SHOX: variants seen among roughly 807,000 people sequenced by gnomAD.
SHOX encodes the protein SHOX homeobox.
In SHOX, 12 loss-of-function variants were observed where a neutral mutation model predicts 29.6. The ratio of observed to expected loss-of-function variants is 0.41; its 90% CI spans 0.26 to 0.66. The LOEUF (loss-of-function observed/expected upper bound fraction) is 0.66, where lower values mean the gene tolerates loss of function less well. Ranked by LOEUF, SHOX falls within the 30% of genes least tolerant of loss-of-function variation. The pLI, the probability that SHOX is intolerant of heterozygous loss-of-function variation, is 0.35. For synonymous variants in SHOX, 214 were observed against 200.6 expected (o/e 1.07, Z -0.57); for missense variants, 499 against 437.7 (o/e 1.14, Z -1.25).
upstream of SHOX, among the ~76,000 whole-genome samples, chrX:628,401 TTCTC>T (rs1218028934): frequency 3.2e-5 from 4 of 123,426 alleles, no homozygotes; most frequent in Admixed American, 1.6e-4. Flanking sequence ...GTCTCTCCCT[TTCTC>T]TCTCTCTGTC....
intron 4 of SHOX, among the ~76,000 whole-genome samples, chrX:643,373 AGAGGCTTGGACACC>A (rs2052898534): frequency 7.3e-6 from 1 of 137,830 alleles, no homozygotes; most frequent in African/African-American, 2.8e-5. Flanking sequence ...GTGTCCCGGG[AGAGGCTTGGACACC>A]TGGTGTCCCA....
chrX:631,919 C>T (rs1415523502), intron 1 of SHOX: 7 of 455,990 alleles, frequency 1.5e-5, no homozygotes, highest in Middle Eastern at 3.3e-4. Flanking sequence ...GGAGCCGTCT[C>T]CACGCGCCTT....
At chrX:653,497 G>C (rs2053096612), downstream of SHOX, among the ~76,000 whole-genome samples, 1 of 152,056 alleles carries the variant, frequency 6.6e-6, no homozygotes, top group African/African-American at 2.4e-5. Flanking sequence ...AATCTTCCTG[G>C]ATATCGCTTC....
chrX:626,253 C>T (rs1334425244), upstream of SHOX, among the ~76,000 whole-genome samples: 1 of 148,804 alleles, frequency 6.7e-6, no homozygotes, highest in Non-Finnish European at 1.5e-5. Context: ...TCTCTCTCCT[C>T]TCTCTCTGTC....
chrX:625,465 G>T (rs765325256), intron 1 of SHOX, among the ~76,000 whole-genome samples: 290 of 151,558 alleles, frequency 1.9e-3, no homozygotes, highest in African/African-American at 6.6e-3. Context: ...TCTCTCTCTC[G>T]CTGTCTCTCT....
chrX:640,925 A>G, intron 3 of SHOX, 47 bp downstream of exon 3: 1 of 1,613,616 alleles, frequency 6.2e-7, no homozygotes, highest in Non-Finnish European at 8.5e-7. Context: ...ATCCTGCTCC[A>G]GGAGGGATGG....
rs192479691 is a variant in SHOX at position 648,501 on chromosome X, T to A, written c.*3865T>A. The stretch of plus-strand genomic sequence containing the variant: ...CTTTGTCCCTCGCAAAGTGCTGGGA[T>A]TACAGGCGTGAGCCACCGCACCTGG... On this transcript the variant is annotated 3_prime_UTR_variant, in exon 5 of 5. Transcript: ENST00000686671. Among the ~76,000 whole-genome samples, 14 of 152,352 alleles carry A rather than the reference T, an allele frequency of 9.2e-5. No homozygotes were observed. The highest frequency in any genetic ancestry group is 3.4e-4 in the African/African-American group (14 of 41,588).
intron 2 of SHOX, among the ~76,000 whole-genome samples, chrX:635,649 G>A (rs1468980112): frequency 1.3e-5 from 2 of 152,192 alleles, no homozygotes; most frequent in Non-Finnish European, 2.9e-5. Context: ...GGGGCGGAGG[G>A]GCCTTGGGTG....
Position 631,050 on chromosome X carries a change from G to A in SHOX, c.153G>A (p.Thr51=). The change falls in exon 1 of 5, where the codon ACG becomes ACA. Residue 51 remains threonine (T), a synonymous_variant. Transcript: ENST00000686671. ...TGGCGCGCTCCCGGGAGCTGGGGACGTCGGATTCCAGCCTCCAGGACATCA... is the reference window on the plus strand; with the variant it reads ...TGGCGCGCTCCCGGGAGCTGGGGACATCGGATTCCAGCCTCCAGGACATCA... ...SGLARSRELG[T]SDSSLQDITE... The A allele has an allele frequency of 6.2e-7, 1 of 1,613,816 alleles. No individual in the cohort carries two copies.
chrX:640,973 C>A (rs768851446), intron 3 of SHOX, 26 bp from the exon 4 acceptor site: 7 of 1,613,548 alleles, frequency 4.3e-6, no homozygotes, highest in African/African-American at 2.7e-5. Flanking sequence ...GACCACCACA[C>A]TGACACCTGC....
intron 1 of SHOX, among the ~76,000 whole-genome samples, chrX:624,862 T>TTTTCTTTCTTTCTTTC (rs928739665): frequency 3.4e-4 from 26 of 76,858 alleles, no homozygotes; most frequent in East Asian, 8.9e-4. Flanking sequence ...TCTTTCTTTC[T>TTTTCTTTCTTTCTTTC]TTTCTTTCTT....
At chrX:643,167 A>G (rs1426579996) in intron 4 of SHOX, among the ~76,000 whole-genome samples, 1 of 133,786 alleles carries the variant, frequency 7.5e-6, no homozygotes. Context: ...AGCCTTGGGG[A>G]TCTGGTGTCC....
chrX:641,193 T>C, intron 4 of SHOX, 106 bp downstream of exon 4: 2 of 1,088,398 alleles, frequency 1.8e-6, no homozygotes, highest in Admixed American at 3.6e-5. Context: ...TCCCTGCCCC[T>C]GCAGACTTCT....
intron 1 of SHOX, among the ~76,000 whole-genome samples, chrX:634,367 G>C (rs1157293368): frequency 2.0e-5 from 3 of 152,172 alleles, no homozygotes; most frequent in Non-Finnish European, 2.9e-5. Context: ...TATGTCAACA[G>C]AGGTGAAGTG....
downstream of SHOX, among the ~76,000 whole-genome samples, chrX:653,785 G>A (rs2053100550): frequency 6.6e-6 from 1 of 152,090 alleles, no homozygotes; most frequent in African/African-American, 2.4e-5. Flanking sequence ...TGTTTCTGAG[G>A]CTTCTGTTGG....
intron 1 of SHOX, 82 bp from the exon 2 acceptor site, chrX:634,536 C>A: frequency 6.8e-7 from 1 of 1,474,056 alleles, no homozygotes; most frequent in Non-Finnish European, 9.4e-7. Context: ...GCCCCCTTTC[C>A]ACCGCGGGAT....
downstream of SHOX, among the ~76,000 whole-genome samples, chrX:652,004 C>T (rs1323144159): frequency 6.6e-6 from 1 of 152,052 alleles, no homozygotes; most frequent in Admixed American, 6.6e-5. Context: ...CTCACCGCGA[C>T]CTCCGCCTCC....
chrX:640,678 A>C, intron 2 of SHOX, 143 bp from the exon 3 acceptor site: 1 of 832,010 alleles, frequency 1.2e-6, no homozygotes, highest in Non-Finnish European at 2.1e-6. Flanking sequence ...GAGGGGCGGT[A>C]AGTGTCTGGG....
chrX:637,932 C>T (rs1252116893), intron 2 of SHOX, among the ~76,000 whole-genome samples: 1 of 152,212 alleles, frequency 6.6e-6, no homozygotes, highest in East Asian at 1.9e-4. Flanking sequence ...TATCACCCAG[C>T]TGTCAGGCTT....
Sources: allele counts gnomAD v4.1 joint callset (sites outside exome capture counted in the v4.1 genomes callset), GRCh38; gene constraint gnomAD v4.1.1; transcripts MANE v1.5; gene names NCBI Gene and HGNC (gene_info 2026-07-23, HGNC 2026-07-21).